AUTS2: variants seen among roughly 807,000 people sequenced by gnomAD.
AUTS2 encodes activator of transcription and developmental regulator AUTS2, also known as autism susceptibility gene 2 protein.
A neutral mutation model predicts 112.4 loss-of-function variants in AUTS2; 17 were observed. That is an observed-to-expected ratio of 0.15 (90% confidence interval 0.10 to 0.23). The LOEUF (loss-of-function observed/expected upper bound fraction) is 0.23, where lower values mean the gene tolerates loss of function less well. Among genes scored for constraint, AUTS2 ranks in the 10% least tolerant of loss-of-function variants. AUTS2 has a pLI of 1.00. For missense variants in AUTS2, 1,510 were observed against 1,701.6 expected (o/e 0.89, Z 1.98); for synonymous variants, 751 against 702.7 (o/e 1.07, Z -1.09).
chr7:70,129,386 T>C (rs2129574422), intron 3 of AUTS2, among the ~76,000 whole-genome samples: 1 of 152,312 alleles, frequency 6.6e-6, no homozygotes, highest in East Asian at 1.9e-4. Flanking sequence ...GGGAGGACAA[T>C]CCAGTTTACT....
chr7:70,434,437 C>A (rs986599428), intron 4 of AUTS2, among the ~76,000 whole-genome samples: 1 of 152,152 alleles, frequency 6.6e-6, no homozygotes, highest in African/African-American at 2.4e-5. Flanking sequence ...ATACCAACTC[C>A]CATGTCCAGG....
chr7:69,843,511 G>T (rs1024229020), intron 1 of AUTS2, among the ~76,000 whole-genome samples: 1 of 152,186 alleles, frequency 6.6e-6, no homozygotes, highest in South Asian at 2.1e-4. Flanking sequence ...TTGATATAAT[G>T]CCTGGAAAAT....
chr7:70,554,435 G>A (rs1268360561), intron 5 of AUTS2, among the ~76,000 whole-genome samples: 1 of 144,834 alleles, frequency 6.9e-6, no homozygotes, highest in Non-Finnish European at 1.5e-5. Context: ...ATGCATGCAG[G>A]CTGGTCACAA....
In AUTS2 at chr7:69,757,066, G is replaced by A. The variant is rs527798701; in HGVS notation, c.310-142220G>A. Among the ~76,000 whole-genome samples, 18 of 152,186 alleles carry A rather than the reference G, an allele frequency of 1.2e-4. No individual in the cohort carries two copies. The South Asian group carries it at 2.3e-3, about 19-fold the overall frequency. On this transcript the variant is annotated intron_variant, in intron 1 of 18. Transcript: ENST00000342771. ...TTTCTCACTTCTGTATTAGTCCTTC[G>A]CTTTATCCTCTGATTCCTCCTTCCT...
intron 2 of AUTS2, among the ~76,000 whole-genome samples, chr7:69,973,293 T>C (rs1797931139): frequency 6.6e-6 from 1 of 152,234 alleles, no homozygotes; most frequent in Non-Finnish European, 1.5e-5. Flanking sequence ...CCTGTAACCT[T>C]GATAAATGGA....
chr7:70,590,179 T>A (rs1253532667), intron 5 of AUTS2, among the ~76,000 whole-genome samples: 1 of 151,236 alleles, frequency 6.6e-6, no homozygotes, highest in Non-Finnish European at 1.5e-5. Context: ...TATATATGTA[T>A]AAAATAAGGG....
chr7:69,851,827 C>T (rs540664198), intron 1 of AUTS2, among the ~76,000 whole-genome samples: 1 of 152,248 alleles, frequency 6.6e-6, no homozygotes, highest in South Asian at 2.1e-4. Context: ...TTTGTTTTTG[C>T]ATGTTGGTCT....
intron 10 of AUTS2, among the ~76,000 whole-genome samples, chr7:70,768,877 C>CTTTTTTTTTTTTTTTTTTT (rs66614263): frequency 3.7e-5 from 4 of 108,212 alleles, no homozygotes; most frequent in African/African-American, 7.1e-5. Flanking sequence ...CCAGTGATTT[C>CTTTTTTTTTTTTTTTTTTT]TTTTTTTTTT....
At chr7:70,145,843 G>T (rs1437403404) in intron 4 of AUTS2, among the ~76,000 whole-genome samples, 2 of 152,064 alleles carry the variant, frequency 1.3e-5, no homozygotes, top group Non-Finnish European at 2.9e-5. Context: ...TCTCTTTGAA[G>T]AGGCCTTTTG....
chr7:69,884,835 T>C (rs1452383137), intron 1 of AUTS2, among the ~76,000 whole-genome samples: 1 of 152,236 alleles, frequency 6.6e-6, no homozygotes. Flanking sequence ...GCCTCAACCG[T>C]AATTGTAGGG....
chr7:69,776,333 C>G (rs1788895574), intron 1 of AUTS2, among the ~76,000 whole-genome samples: 1 of 152,126 alleles, frequency 6.6e-6, no homozygotes, highest in South Asian at 2.1e-4. Flanking sequence ...TAGTATAGAA[C>G]CAGGACTAGT....
At chr7:70,027,518 G>T (rs1446619774) in intron 2 of AUTS2, among the ~76,000 whole-genome samples, 3 of 152,090 alleles carry the variant, frequency 2.0e-5, no homozygotes, top group Admixed American at 2.0e-4. Flanking sequence ...AGCATCACCT[G>T]GGAACTTGCT....
chr7:69,962,716 G>A (rs995785253), intron 2 of AUTS2, among the ~76,000 whole-genome samples: 1 of 151,182 alleles, frequency 6.6e-6, no homozygotes, highest in East Asian at 1.9e-4. Flanking sequence ...GTATGTGTAT[G>A]TGTGTGTGTG....
intron 5 of AUTS2, among the ~76,000 whole-genome samples, chr7:70,481,154 A>C (rs993600111): frequency 6.6e-6 from 1 of 152,220 alleles, no homozygotes. Context: ...CAAGGAAAGC[A>C]GTTAAACTGG....
chr7:69,880,074 A>G (rs1413255003), intron 1 of AUTS2, among the ~76,000 whole-genome samples: 1 of 152,234 alleles, frequency 6.6e-6, no homozygotes, highest in Non-Finnish European at 1.5e-5. Flanking sequence ...AGGCTGTACA[A>G]GAAGCATGGT....
At chr7:70,721,529 A>G (rs1333149556) in intron 6 of AUTS2, among the ~76,000 whole-genome samples, 2 of 152,022 alleles carry the variant, frequency 1.3e-5, no homozygotes, top group East Asian at 3.9e-4. Flanking sequence ...CAAACTCCTG[A>G]CCTCAGGTGA....
At chr7:70,113,472 G>A (rs1805194151) in intron 2 of AUTS2, among the ~76,000 whole-genome samples, 1 of 152,136 alleles carries the variant, frequency 6.6e-6, no homozygotes, top group East Asian at 1.9e-4. Flanking sequence ...TGATGGTAGT[G>A]TAGTCTATGG....
chr7:70,471,338 A>G (rs1218936412), intron 5 of AUTS2, among the ~76,000 whole-genome samples: 1 of 152,062 alleles, frequency 6.6e-6, no homozygotes, highest in Non-Finnish European at 1.5e-5. Flanking sequence ...AGAATGGGGG[A>G]AAGGGAAGGA....
intron 5 of AUTS2, among the ~76,000 whole-genome samples, chr7:70,627,289 T>C (rs1171657794): frequency 1.3e-5 from 2 of 152,242 alleles, no homozygotes; most frequent in Non-Finnish European, 2.9e-5. Context: ...TTTCATGTGT[T>C]GTATGTCTTC....
Sources: gnomAD v4.1 joint callset for allele counts (sites outside exome capture counted in the v4.1 genomes callset) on GRCh38, gnomAD v4.1.1 for gene constraint, MANE v1.5 for transcripts, NCBI Gene and HGNC (gene_info 2026-07-23, HGNC 2026-07-21) for gene names.